NID2: variants seen among roughly 807,000 people sequenced by gnomAD.
NID2 encodes the protein nidogen-2.
NID2 carries 83 observed loss-of-function variants against 145.4 expected under a neutral mutation model. The ratio of observed to expected loss-of-function variants is 0.57; its 90% confidence interval spans 0.48 to 0.69. The LOEUF (loss-of-function observed/expected upper bound fraction) is 0.69, where lower values mean the gene tolerates loss of function less well. Ranked by LOEUF, NID2 falls within the 30% of genes least tolerant of loss-of-function variation. NID2 has a pLI of 0.00. For missense variants in NID2, 1,807 were observed against 1,765.7 expected (o/e 1.02, Z -0.42); for synonymous variants, 739 against 701.3 (o/e 1.05, Z -0.85).
chr14:52,054,165 A>C lies in NID2; in HGVS notation c.924T>G (p.Ser308Arg), dbSNP rs1892772996. 1 of 1,613,940 alleles carries C rather than the reference A, an allele frequency of 6.2e-7. No homozygotes were observed. The highest frequency in any genetic ancestry group is 1.3e-5 in the African/African-American group (1 of 74,860). The change falls in exon 4 of 22, where the codon AGT (serine) becomes AGG (arginine). Residue 308 changes from serine to arginine, a missense_variant. Physicochemically the swap from Ser to Arg is moderately radical, Grantham distance 110 (BLOSUM62 -1). Transcript: ENST00000216286. The part of the protein sequence containing the change: ...RSFSHATALE[S>R]DYNEDNLDYY... ...AATCCAAATTGTCCTCATTATAGTC[A>C]CTTTCCAGGGCTGTAGCATGGCTGA...
intron 1 of NID2, 106 bp downstream of exon 1, chr14:52,068,661 G>T (rs887055203): frequency 7.2e-6 from 7 of 977,530 alleles, no homozygotes; most frequent in African/African-American, 3.2e-5. Flanking sequence ...GTGCTGGGGG[G>T]CTCCAGGAGT....
chr14:52,011,162 G>T, intron 17 of NID2, 115 bp from the exon 18 acceptor site: 1 of 896,976 alleles, frequency 1.1e-6, no homozygotes, highest in Non-Finnish European at 1.7e-6. Flanking sequence ...AAGCCCAAGT[G>T]TCTCCAAGTC....
At chr14:52,049,056 G>C (rs1180799181) in intron 5 of NID2, among the ~76,000 whole-genome samples, 5 of 152,168 alleles carry the variant, frequency 3.3e-5, no homozygotes, top group Non-Finnish European at 7.3e-5. Context: ...TGACACCTCA[G>C]GGCACAGCAG....
intron 9 of NID2, among the ~76,000 whole-genome samples, chr14:52,036,628 G>A (rs925065508): frequency 1.3e-5 from 2 of 152,130 alleles, no homozygotes; most frequent in Admixed American, 6.5e-5. Flanking sequence ...CACCAGCAAC[G>A]TATGAGGGTT....
intron 6 of NID2, 126 bp from the exon 7 acceptor site, chr14:52,042,476 TAACC>T: frequency 8.2e-7 from 1 of 1,220,464 alleles, no homozygotes. Flanking sequence ...AATGATTTCC[TAACC>T]AACCAATTAT....
intron 14 of NID2, among the ~76,000 whole-genome samples, chr14:52,017,238 A>G (rs1891240981): frequency 6.6e-6 from 1 of 152,234 alleles, no homozygotes; most frequent in African/African-American, 2.4e-5. Context: ...GGTGTCCCAA[A>G]TCACTCATAC....
Position 52,015,222 on chromosome 14 carries a change from C to T in NID2, c.3082G>A (p.Glu1028Lys). The T allele has an allele frequency of 6.2e-7, 1 of 1,613,496 alleles. No homozygotes were observed. Among genetic ancestry groups the T allele is most frequent in the Non-Finnish European group, 8.5e-7 (1 of 1,179,674 alleles). ...ICERWRENLL[E>K]HYGGTPRDDQ... Reference sequence around the variant, plus strand: ...TCCCGGGGGGTGCCACCGTAGTGCTCCAGCAGGTTTTCCCTCCAGCGCTCA... The same window carrying T: ...TCCCGGGGGGTGCCACCGTAGTGCTTCAGCAGGTTTTCCCTCCAGCGCTCA... The change falls in exon 15 of 22, where the codon GAG becomes AAG. Residue 1028 changes from glutamate (E) to lysine (K), a missense_variant. Glu to Lys is a moderately conservative substitution (Grantham distance 56, BLOSUM62 1). Transcript: ENST00000216286.
chr14:52,031,076 G>A (rs1002366301), intron 9 of NID2, among the ~76,000 whole-genome samples: 4 of 152,188 alleles, frequency 2.6e-5, no homozygotes, highest in Non-Finnish European at 5.9e-5. Context: ...TAGCAGTCTG[G>A]TTCCATAGCT....
chr14:52,034,409 ATC>A, intron 9 of NID2, among the ~76,000 whole-genome samples: 1 of 152,114 alleles, frequency 6.6e-6, no homozygotes. Flanking sequence ...GTAGGTTTAA[ATC>A]TCTCTTTGAG....
intron 19 of NID2, chr14:52,006,910 A>C (rs1890807719): frequency 3.2e-6 from 1 of 315,864 alleles, no homozygotes; most frequent in Non-Finnish European, 6.0e-6. Context: ...CTGCCAAAGT[A>C]GGGCATTAAA....
At chr14:52,008,849 C>T (rs543846843) in intron 18 of NID2, 1 of 152,320 alleles carries the variant, frequency 6.6e-6, no homozygotes, top group East Asian at 1.9e-4. Context: ...GAAGGGGTAC[C>T]TGGCACCCAG....
chr14:52,044,131 A>C (rs1892389172), intron 5 of NID2, among the ~76,000 whole-genome samples: 1 of 152,174 alleles, frequency 6.6e-6, no homozygotes, highest in Non-Finnish European at 1.5e-5. Context: ...GGGAGAACAG[A>C]AAGTAAAGGA....
chr14:52,014,591 TGTTCTTCAAAA>T, intron 15 of NID2, 135 bp from the exon 16 acceptor site: 2 of 886,250 alleles, frequency 2.3e-6, no homozygotes, highest in Non-Finnish European at 3.4e-6. Context: ...GTGCTCCAGA[TGTTCTTCAAAA>T]GAAATTCTAA....
chr14:52,032,897 C>T (rs1891919104), intron 9 of NID2, among the ~76,000 whole-genome samples: 1 of 151,772 alleles, frequency 6.6e-6, no homozygotes, highest in South Asian at 2.1e-4. Context: ...TCCCTAATTA[C>T]TCAATACTGA....
intron 16 of NID2, among the ~76,000 whole-genome samples, chr14:52,012,987 ACAGG>A (rs1257976054): frequency 1.3e-5 from 2 of 152,200 alleles, no homozygotes; most frequent in Non-Finnish European, 2.9e-5. Context: ...CAGTGGAAAA[ACAGG>A]CAGCTTATAT....
At chr14:52,061,288 A>G (rs1056605328) in intron 2 of NID2, among the ~76,000 whole-genome samples, 5 of 152,160 alleles carry the variant, frequency 3.3e-5, no homozygotes, top group African/African-American at 1.2e-4. Context: ...AACCTCTGTA[A>G]CACCTTTATG....
At chr14:52,010,075 A>G (rs1038077854) in intron 18 of NID2, 1 of 152,242 alleles carries the variant, frequency 6.6e-6, no homozygotes, top group Non-Finnish European at 1.5e-5. Context: ...TAAGAGGGCT[A>G]TTAATTCCTG....
chr14:52,020,343 G>T, intron 12 of NID2, 165 bp from the exon 13 acceptor site: 2 of 1,157,772 alleles, frequency 1.7e-6, no homozygotes, highest in African/African-American at 1.6e-5. Context: ...CTAAAGGTAA[G>T]CTTAATAGAA....
intron 9 of NID2, among the ~76,000 whole-genome samples, chr14:52,037,974 C>A (rs542139509): frequency 5.3e-5 from 8 of 152,164 alleles, no homozygotes; most frequent in Admixed American, 5.2e-4. Context: ...TATAACATTG[C>A]GAACTTGTTC....
Sources: allele counts gnomAD v4.1 joint callset (sites outside exome capture counted in the v4.1 genomes callset), GRCh38; gene constraint gnomAD v4.1.1; transcripts MANE v1.5; gene names NCBI Gene and HGNC (gene_info 2026-07-23, HGNC 2026-07-21).